BMAL1: variants seen among roughly 807,000 people sequenced by gnomAD.
BMAL1 encodes basic helix-loop-helix ARNT-like protein 1.
chr11:13,322,102 G>A, the BMAL1 span, among the ~76,000 whole-genome samples: 1 of 152,286 alleles, frequency 6.6e-6, no homozygotes, highest in East Asian at 1.9e-4. Flanking sequence ...TCCCAGCTCT[G>A]TGACCTCGGG....
At chr11:13,386,762 A>C in the BMAL1 span, 1 of 1,612,758 alleles carries the variant, frequency 6.2e-7, no homozygotes, top group Non-Finnish European at 8.5e-7. Flanking sequence ...TGTAAACACT[A>C]CATGTTGCTT....
At chr11:13,378,596 AC>A in the BMAL1 span, 2 of 1,010,632 alleles carry the variant, frequency 2.0e-6, no homozygotes, top group Non-Finnish European at 2.9e-6. Context: ...GTGGATAGAG[AC>A]CAGGGATGCT....
chr11:13,284,077 G>GGGGTGT, the BMAL1 span, among the ~76,000 whole-genome samples: 8 of 85,632 alleles, frequency 9.3e-5, no homozygotes, highest in African/African-American at 1.7e-4. Context: ...ACAGTGTTGG[G>GGGGTGT]GTGTGTGTGT....
the BMAL1 span, among the ~76,000 whole-genome samples, chr11:13,318,074 C>T: frequency 1.3e-5 from 2 of 152,182 alleles, no homozygotes; most frequent in African/African-American, 4.8e-5. Context: ...AGTGGTGGTC[C>T]CTCCCCTGGG....
At chr11:13,284,266 A>ATATATATTT in the BMAL1 span, among the ~76,000 whole-genome samples, 1 of 44,882 alleles carries the variant, frequency 2.2e-5, no homozygotes, top group Non-Finnish European at 4.7e-5. Flanking sequence ...ATATATATAT[A>ATATATATTT]TTTTTTTTTT....
the BMAL1 span, among the ~76,000 whole-genome samples, chr11:13,326,166 C>T: frequency 2.0e-3 from 302 of 151,274 alleles, 2 homozygotes; most frequent in African/African-American, 7.2e-3. Context: ...ATCATGCCAC[C>T]GCACTCCAGC....
At chr11:13,308,091 TCA>T in the BMAL1 span, among the ~76,000 whole-genome samples, 1 of 152,092 alleles carries the variant, frequency 6.6e-6, no homozygotes, top group African/African-American at 2.4e-5. Flanking sequence ...TGAGAAATGG[TCA>T]CATTCTGAAT....
chr11:13,297,856 A>T, the BMAL1 span, among the ~76,000 whole-genome samples: 1 of 152,084 alleles, frequency 6.6e-6, no homozygotes, highest in East Asian at 1.9e-4. Context: ...TGAGGATAAG[A>T]CTATAGTTGA....
chr11:13,381,079 C>A, the BMAL1 span: 2,484 of 1,396,018 alleles, frequency 1.8e-3, 51 homozygotes, highest in Admixed American at 0.036. Context: ...GATCTTCATC[C>A]CCTTTCTCAC....
At chr11:13,369,927 G>A in the BMAL1 span, among the ~76,000 whole-genome samples, 1 of 152,152 alleles carries the variant, frequency 6.6e-6, no homozygotes, top group African/African-American at 2.4e-5. Flanking sequence ...GTGTAGGGCA[G>A]TTGGGAGCAG....
chr11:13,329,156 T>C, the BMAL1 span, among the ~76,000 whole-genome samples: 1 of 152,142 alleles, frequency 6.6e-6, no homozygotes, highest in South Asian at 2.1e-4. Flanking sequence ...ACTTCAGTTA[T>C]TAAGAAATTA....
At chr11:13,340,657 C>G in the BMAL1 span, among the ~76,000 whole-genome samples, 1 of 152,132 alleles carries the variant, frequency 6.6e-6, no homozygotes, top group Non-Finnish European at 1.5e-5. Context: ...CCTCCTCGTT[C>G]CCAGGGGTCA....
chr11:13,308,628 T>C, the BMAL1 span, among the ~76,000 whole-genome samples: 3 of 152,310 alleles, frequency 2.0e-5, no homozygotes, highest in East Asian at 5.8e-4. Flanking sequence ...TACCAATGGA[T>C]GTAGCAAAAT....
chr11:13,345,503 C>T, the BMAL1 span, among the ~76,000 whole-genome samples: 1 of 152,184 alleles, frequency 6.6e-6, no homozygotes, highest in Admixed American at 6.5e-5. Context: ...CTTATAAATT[C>T]TCCTTGTTCC....
chr11:13,369,566 C>CT, the BMAL1 span: 1 of 1,607,494 alleles, frequency 6.2e-7, no homozygotes, highest in Non-Finnish European at 8.5e-7. Flanking sequence ...ACTCCCCCTC[C>CT]TGACAGACAA....
At chr11:13,370,570 C>T in the BMAL1 span, among the ~76,000 whole-genome samples, 1 of 152,172 alleles carries the variant, frequency 6.6e-6, no homozygotes, top group African/African-American at 2.4e-5. Context: ...ACTCTTCAAT[C>T]CCGTTAGTTA....
At chr11:13,368,386 G>T in the BMAL1 span, among the ~76,000 whole-genome samples, 1 of 152,212 alleles carries the variant, frequency 6.6e-6, no homozygotes, top group African/African-American at 2.4e-5. Context: ...CAGGTGCAGG[G>T]GTGTGGAGCC....
chr11:13,322,776 G>GTTTTT, the BMAL1 span, among the ~76,000 whole-genome samples: 4 of 104,864 alleles, frequency 3.8e-5, no homozygotes, highest in Non-Finnish European at 7.4e-5. Flanking sequence ...TTGTGAGCAA[G>GTTTTT]TCTTTTTTTT....
the BMAL1 span, among the ~76,000 whole-genome samples, chr11:13,317,355 C>T: frequency 6.6e-6 from 1 of 151,988 alleles, no homozygotes; most frequent in Non-Finnish European, 1.5e-5. Context: ...AGTCTATGTC[C>T]TTTGTTGTTT....
Sources: gnomAD v4.1 joint callset for allele counts (sites outside exome capture counted in the v4.1 genomes callset) on GRCh38, gnomAD v4.1.1 for gene constraint, MANE v1.5 for transcripts, NCBI Gene and HGNC (gene_info 2026-07-23, HGNC 2026-07-21) for gene names.